Variants in SNTG1 observed in about 807,000 individuals in gnomAD.
SNTG1 encodes gamma-1-syntrophin.
SNTG1 carries 39 observed loss-of-function variants against 74.7 expected under a neutral mutation model. That is an observed-to-expected ratio of 0.52 (90% CI 0.40 to 0.68). The LOEUF (loss-of-function observed/expected upper bound fraction) is 0.68. Among genes scored for constraint, SNTG1 ranks in the 30% least tolerant of loss-of-function variants. The pLI is 0.00. For missense variants in SNTG1, 685 were observed against 609.5 expected, an observed-to-expected ratio of 1.12 and a Z score of -1.30; for synonymous variants, 254 against 217.1, an observed-to-expected ratio of 1.17 and a Z score of -1.49.
At chr8:50,170,889 C>T (rs556104091) in intron 1 of SNTG1, among the ~76,000 whole-genome samples, 2 of 152,314 alleles carry the variant, frequency 1.3e-5, no homozygotes, top group South Asian at 4.1e-4. Flanking sequence ...CAACCATCTC[C>T]ACAGGGCAGC....
chr8:50,636,296 C>T (rs762917721), intron 13 of SNTG1, among the ~76,000 whole-genome samples: 44 of 151,978 alleles, frequency 2.9e-4, no homozygotes, highest in Middle Eastern at 6.9e-3. Context: ...GCTGGTGACT[C>T]ACTAGGTCAT....
At chr8:50,513,278 T>C (rs142911879) in intron 9 of SNTG1, among the ~76,000 whole-genome samples, 8,268 of 152,176 alleles carry the variant, frequency 0.054, 340 homozygotes, top group South Asian at 0.18. Flanking sequence ...CCTCTGGAAG[T>C]TTTGTCTCAG....
chr8:50,496,529 C>T (rs1030394356), intron 8 of SNTG1, among the ~76,000 whole-genome samples: 3 of 152,084 alleles, frequency 2.0e-5, no homozygotes, highest in African/African-American at 7.2e-5. Context: ...TTAGAATGGC[C>T]TCCAAGAGGA....
At chr8:50,010,164 C>T (rs1486960338) in intron 1 of SNTG1, among the ~76,000 whole-genome samples, 1 of 152,124 alleles carries the variant, frequency 6.6e-6, no homozygotes, top group Non-Finnish European at 1.5e-5. Context: ...TTAGTAGTCT[C>T]CTCTAATACT....
intron 2 of SNTG1, among the ~76,000 whole-genome samples, chr8:50,187,407 G>T (rs767851193): frequency 6.6e-6 from 1 of 152,080 alleles, no homozygotes; most frequent in East Asian, 1.9e-4. Context: ...ACAAAAACGA[G>T]CTATGGGGAA....
chr8:50,395,158 G>GA (rs1413738337), intron 3 of SNTG1, among the ~76,000 whole-genome samples: 1 of 151,960 alleles, frequency 6.6e-6, no homozygotes. Context: ...TAAAGCAATT[G>GA]AAAAAATATA....
chr8:50,616,521 C>T, intron 13 of SNTG1, among the ~76,000 whole-genome samples: 1 of 152,228 alleles, frequency 6.6e-6, no homozygotes, highest in East Asian at 1.9e-4. Flanking sequence ...AAAAGCCTTG[C>T]TGGAGTGATG....
At chr8:50,317,897 C>T (rs557448410) in intron 2 of SNTG1, among the ~76,000 whole-genome samples, 1 of 152,106 alleles carries the variant, frequency 6.6e-6, no homozygotes, top group East Asian at 1.9e-4. Context: ...AGTGCAGTGG[C>T]GCAATCTCTG....
intron 2 of SNTG1, among the ~76,000 whole-genome samples, chr8:50,278,590 G>A (rs959503484): frequency 3.9e-5 from 6 of 151,930 alleles, no homozygotes; most frequent in Non-Finnish European, 7.4e-5. Flanking sequence ...CAAATTTAGT[G>A]ACCCCTTTTA....
chr8:50,743,533 A>G (rs1204926355), intron 17 of SNTG1, among the ~76,000 whole-genome samples: 1 of 151,826 alleles, frequency 6.6e-6, no homozygotes, highest in African/African-American at 2.4e-5. Flanking sequence ...AGATAATATT[A>G]TATCCAATGC....
At chr8:50,670,975 A>C (rs987239974) in intron 15 of SNTG1, among the ~76,000 whole-genome samples, 3 of 150,734 alleles carry the variant, frequency 2.0e-5, no homozygotes, top group African/African-American at 7.3e-5. Flanking sequence ...GGTGCTGGGA[A>C]AACTGGCTAG....
chr8:50,364,071 A>T (rs1299286268), intron 2 of SNTG1, among the ~76,000 whole-genome samples: 1 of 152,086 alleles, frequency 6.6e-6, no homozygotes, highest in Non-Finnish European at 1.5e-5. Context: ...TTGATTAGGG[A>T]TTTTTAGGGA....
chr8:50,472,357 G>A (rs578129557), intron 8 of SNTG1, among the ~76,000 whole-genome samples: 1 of 152,300 alleles, frequency 6.6e-6, no homozygotes, highest in South Asian at 2.1e-4. Context: ...CATTGTAGAT[G>A]TGATGAAGAG....
chr8:50,693,975 T>C (rs1162346859), intron 15 of SNTG1, among the ~76,000 whole-genome samples: 1 of 152,034 alleles, frequency 6.6e-6, no homozygotes, highest in Non-Finnish European at 1.5e-5. Flanking sequence ...TATAGGGAAG[T>C]TTATATCAAC....
intron 1 of SNTG1, among the ~76,000 whole-genome samples, chr8:49,972,860 A>C (rs1466313642): frequency 1.3e-5 from 2 of 152,134 alleles, no homozygotes; most frequent in East Asian, 1.9e-4. Context: ...AAAGTCAGGA[A>C]ACAACAGGTG....
At chr8:50,757,709 A>G (rs2095583980) in intron 18 of SNTG1, among the ~76,000 whole-genome samples, 1 of 151,964 alleles carries the variant, frequency 6.6e-6, no homozygotes, top group Non-Finnish European at 1.5e-5. Context: ...AATATCCACA[A>G]TATTTCTTAT....
At chr8:50,330,473 A>T (rs2090919957) in intron 2 of SNTG1, among the ~76,000 whole-genome samples, 1 of 152,202 alleles carries the variant, frequency 6.6e-6, no homozygotes, top group Non-Finnish European at 1.5e-5. Context: ...GAAAGTTTCA[A>T]ACTTTCTCAC....
intron 2 of SNTG1, among the ~76,000 whole-genome samples, chr8:50,227,323 ACTG>A (rs2085380110): frequency 6.6e-6 from 1 of 152,146 alleles, no homozygotes; most frequent in South Asian, 2.1e-4. Flanking sequence ...ACTTCCAGGA[ACTG>A]ACCAGATTCT....
chr8:49,998,169 C>T (rs1055919751), intron 1 of SNTG1, among the ~76,000 whole-genome samples: 1 of 152,046 alleles, frequency 6.6e-6, no homozygotes, highest in African/African-American at 2.4e-5. Context: ...TAAAGTACAG[C>T]AAAAATACAG....
Sources: allele counts gnomAD v4.1 joint callset (sites outside exome capture counted in the v4.1 genomes callset), GRCh38; gene constraint gnomAD v4.1.1; transcripts MANE v1.5; gene names NCBI Gene and HGNC (gene_info 2026-07-23, HGNC 2026-07-21).